Variants in WBP1L observed in about 807,000 individuals in gnomAD.
WBP1L encodes WW domain binding protein 1-like.
WBP1L carries 17 observed loss-of-function variants against 33.7 expected under a neutral mutation model. The observed-to-expected ratio is 0.50, with a 90% CI of 0.34 to 0.76. The LOEUF (loss-of-function observed/expected upper bound fraction) is 0.76, where lower values mean the gene tolerates loss of function less well. Among genes scored for constraint, WBP1L ranks in the 30% least tolerant of loss-of-function variants. The pLI, the probability that WBP1L is intolerant of heterozygous loss-of-function variation, is 0.01. For synonymous variants in WBP1L, 173 were observed against 190.8 expected, an observed-to-expected ratio of 0.91 and a Z score of 0.77; for missense variants, 389 against 469.4, an observed-to-expected ratio of 0.83 and a Z score of 1.58.
At chr10:102,744,988 A>G (rs561741917) in intron 1 of WBP1L, among the ~76,000 whole-genome samples, 1 of 152,128 alleles carries the variant, frequency 6.6e-6, no homozygotes, top group South Asian at 2.1e-4. Context: ...TGGGAGCGTT[A>G]CTCCTGGTGC....
intron 1 of WBP1L, among the ~76,000 whole-genome samples, chr10:102,787,549 C>T (rs1843433119): frequency 1.3e-5 from 2 of 152,040 alleles, no homozygotes; most frequent in Non-Finnish European, 2.9e-5. Flanking sequence ...GATCGTGCCA[C>T]TACACTCTAG....
chr10:102,794,543 T>C (rs1042982629), intron 1 of WBP1L, among the ~76,000 whole-genome samples: 14 of 152,062 alleles, frequency 9.2e-5, no homozygotes, highest in African/African-American at 2.9e-4. Flanking sequence ...CCTAGGGCCA[T>C]TGAGTAACTT....
At chr10:102,772,730 CAGCTAATTTTTGTATTTTCTGT>C (rs1276305151) in intron 1 of WBP1L, among the ~76,000 whole-genome samples, 1 of 150,506 alleles carries the variant, frequency 6.6e-6, no homozygotes, top group Non-Finnish European at 1.5e-5. Context: ...CCACCATGCC[CAGCTAATTTTTGTATTTTCTGT>C]AGAGATGGGG....
intron 1 of WBP1L, among the ~76,000 whole-genome samples, chr10:102,750,116 G>C (rs1210499356): frequency 6.6e-6 from 1 of 151,434 alleles, no homozygotes; most frequent in Admixed American, 6.6e-5. Flanking sequence ...ACTTTATTGA[G>C]ATATAATCAG....
intron 1 of WBP1L, among the ~76,000 whole-genome samples, chr10:102,778,322 T>G (rs1843293431): frequency 6.6e-6 from 1 of 152,230 alleles, no homozygotes; most frequent in African/African-American, 2.4e-5. Context: ...AGTCAGTGAC[T>G]GCCATTGTGC....
At chr10:102,776,852 G>C (rs968287338) in intron 1 of WBP1L, among the ~76,000 whole-genome samples, 1 of 152,128 alleles carries the variant, frequency 6.6e-6, no homozygotes, top group Non-Finnish European at 1.5e-5. Context: ...TGGGGGTGGG[G>C]TGAGGGCTCC....
intron 2 of WBP1L, among the ~76,000 whole-genome samples, chr10:102,805,108 C>T (rs189955014): frequency 9.1e-4 from 138 of 151,880 alleles, no homozygotes; most frequent in African/African-American, 2.8e-3. Flanking sequence ...AAAGTGAGAC[C>T]ACCCCCCTAT....
At position 102,816,022 on chromosome 10, in the gene WBP1L, G is replaced by A. The variant is rs1174052866; in HGVS notation, c.*2691G>A. 5.2e-5 allele frequency: 8 copies of A among 152,768 alleles called. No individual in the cohort carries two copies. Among genetic ancestry groups the A allele is most frequent in the East Asian group, 1.9e-4 (1 of 5,194 alleles). The allele number at this position is 152,768 out of a possible 1,614,324, so 9.5% of individuals were successfully genotyped here. A position where few individuals can be genotyped will look rare whatever the true frequency, so the allele number is the denominator to read the frequency against. On this transcript the variant is annotated 3_prime_UTR_variant, in exon 4 of 4. Coordinates refer to ENST00000448841, the MANE Select transcript of WBP1L (RefSeq NM_001083913.2). ...GGCTGGCTTTCCACGTGAATGAGAC[G>A]GGGTCGGTGGAGGGTTTGGTGCTAC...
intron 2 of WBP1L, among the ~76,000 whole-genome samples, chr10:102,808,833 G>A (rs543768075): frequency 6.1e-4 from 93 of 152,098 alleles, no homozygotes; most frequent in Non-Finnish European, 1.2e-3. Flanking sequence ...GAGGCCCCTT[G>A]CAAGTGCTGA....
At chr10:102,793,552 C>A (rs1843531931) in intron 1 of WBP1L, among the ~76,000 whole-genome samples, 1 of 152,074 alleles carries the variant, frequency 6.6e-6, no homozygotes, top group Non-Finnish European at 1.5e-5. Context: ...TTCTTTTCTT[C>A]TTCATGTGTC....
intron 2 of WBP1L, among the ~76,000 whole-genome samples, chr10:102,802,794 C>T (rs1245960261): frequency 6.6e-6 from 1 of 152,132 alleles, no homozygotes; most frequent in Non-Finnish European, 1.5e-5. Flanking sequence ...CCACACTGGG[C>T]CCTGTGTTTC....
intron 2 of WBP1L, among the ~76,000 whole-genome samples, chr10:102,804,565 C>T (rs576806649): frequency 1.2e-4 from 18 of 152,120 alleles, no homozygotes; most frequent in Middle Eastern, 3.4e-3. Context: ...TAAGTTGTGC[C>T]ACAGGAACAA....
At chr10:102,804,319 C>T (rs1463954851) in intron 2 of WBP1L, among the ~76,000 whole-genome samples, 4 of 132,908 alleles carry the variant, frequency 3.0e-5, no homozygotes, top group Non-Finnish European at 4.7e-5. Context: ...ACCCGAGAGG[C>T]GGAGGTTGCA....
chr10:102,778,023 T>C (rs1395162134), intron 1 of WBP1L, among the ~76,000 whole-genome samples: 1 of 152,128 alleles, frequency 6.6e-6, no homozygotes, highest in Non-Finnish European at 1.5e-5. Flanking sequence ...GGCTGGGAGC[T>C]GGAAAGACCT....
chr10:102,798,772 C>T (rs906178881), intron 2 of WBP1L, among the ~76,000 whole-genome samples: 17 of 152,146 alleles, frequency 1.1e-4, no homozygotes, highest in Non-Finnish European at 1.0e-4. Context: ...ACTATGAATG[C>T]CAGGCCACTC....
chr10:102,797,646 T>C (rs919607644), intron 1 of WBP1L, among the ~76,000 whole-genome samples: 7 of 152,066 alleles, frequency 4.6e-5, no homozygotes, highest in Non-Finnish European at 7.4e-5. Context: ...TCTGCCTCTC[T>C]TGTTCAAGCG....
chr10:102,771,810 G>GTAAAAAAA (rs1843189794), intron 1 of WBP1L, among the ~76,000 whole-genome samples: 1 of 138,894 alleles, frequency 7.2e-6, no homozygotes. Context: ...TCTGTCTCAA[G>GTAAAAAAA]AAAAAAAAAA....
chr10:102,775,117 CAAAA>C (rs59486422), intron 1 of WBP1L, among the ~76,000 whole-genome samples: 7 of 97,292 alleles, frequency 7.2e-5, no homozygotes, highest in South Asian at 9.1e-4. Flanking sequence ...GACCCTATCT[CAAAA>C]AAAAAAAAAA....
In WBP1L at chr10:102,813,976, C is replaced by CCCGCAGGCTCTGGCTGG. The variant is rs1407797425; in HGVS notation, c.*655_*671dup. 1 of 152,300 alleles carries CCCGCAGGCTCTGGCTGG rather than the reference C, an allele frequency of 6.6e-6. No individual in the cohort carries two copies. The highest frequency in any genetic ancestry group is 1.5e-5 in the Non-Finnish European group (1 of 68,122). The allele number at this position is 152,300 out of a possible 1,614,324, so 9.4% of individuals were successfully genotyped here. A position where few individuals can be genotyped will look rare whatever the true frequency, so the allele number is the denominator to read the frequency against. ...CCATGCGTCCTTGAGGGGCCTCTTCCCCGCAGGCTCTGGCTGGCCGCAGGC... is the reference window on the plus strand; with the variant it reads ...CCATGCGTCCTTGAGGGGCCTCTTCCCCGCAGGCTCTGGCTGGCCGCAGGCTCTGGCTGGCCGCAGGC... On this transcript the variant is annotated 3_prime_UTR_variant, in exon 4 of 4. Transcript: ENST00000448841.
Sources: gnomAD v4.1 joint callset for allele counts (sites outside exome capture counted in the v4.1 genomes callset) on GRCh38, gnomAD v4.1.1 for gene constraint, MANE v1.5 for transcripts, NCBI Gene and HGNC (gene_info 2026-07-23, HGNC 2026-07-21) for gene names.